Variants in NRG1 observed in about 807,000 individuals in gnomAD.
The protein encoded by NRG1 is neuregulin 1, also known as pro-neuregulin-1, membrane-bound isoform.
A neutral mutation model predicts 63.8 loss-of-function variants in NRG1; 18 were observed. The observed-to-expected ratio is 0.28, with a 90% CI of 0.19 to 0.42. The LOEUF is 0.42. Among genes scored for constraint, NRG1 ranks in the 10% least tolerant of loss-of-function variants. NRG1 has a pLI of 1.00. For synonymous variants in NRG1, 302 were observed against 301.3 expected (o/e 1.00, Z -0.02); for missense variants, 762 against 814.7 (o/e 0.94, Z 0.79).
At chr8:32,440,960 T>C (rs6981660) in intron 1 of NRG1, among the ~76,000 whole-genome samples, 47,232 of 152,020 alleles carry the variant, frequency 0.31, 7,587 homozygotes, top group South Asian at 0.35. Flanking sequence ...GACATAGAAT[T>C]GTGTATTTAT....
intron 1 of NRG1, among the ~76,000 whole-genome samples, chr8:32,466,752 T>C (rs1373144594): frequency 1.3e-5 from 2 of 152,170 alleles, no homozygotes; most frequent in African/African-American, 4.8e-5. Context: ...ACGGCCTTGC[T>C]ACTTTTTCTG....
chr8:32,218,635 A>G (rs1350035657), intron 1 of NRG1, among the ~76,000 whole-genome samples: 1 of 152,202 alleles, frequency 6.6e-6, no homozygotes, highest in African/African-American at 2.4e-5. Context: ...AGCGGCTTTC[A>G]TACTCTGAAA....
intron 2 of NRG1, among the ~76,000 whole-genome samples, chr8:32,602,503 A>G (rs1043405099): frequency 6.6e-6 from 1 of 152,176 alleles, no homozygotes; most frequent in Non-Finnish European, 1.5e-5. Flanking sequence ...GATTTGTATA[A>G]ATAGGAAAGA....
chr8:31,940,909 A>G (rs1318176337), intron 1 of NRG1, among the ~76,000 whole-genome samples: 1 of 152,140 alleles, frequency 6.6e-6, no homozygotes, highest in Non-Finnish European at 1.5e-5. Flanking sequence ...GGTAATAAAA[A>G]AATTGCCAAC....
chr8:32,770,200 A>G (rs1297565396), downstream of NRG1, among the ~76,000 whole-genome samples: 2 of 152,204 alleles, frequency 1.3e-5, no homozygotes, highest in Admixed American at 6.5e-5. Flanking sequence ...TAGATTTGCT[A>G]ATACAGAGAG....
intron 1 of NRG1, among the ~76,000 whole-genome samples, chr8:32,381,068 T>C (rs1177296601): frequency 1.3e-5 from 2 of 152,208 alleles, no homozygotes; most frequent in Non-Finnish European, 2.9e-5. Context: ...TGGTCACTTT[T>C]ATACATATCC....
chr8:32,473,662 C>T (rs1001666627), intron 1 of NRG1, among the ~76,000 whole-genome samples: 1 of 152,050 alleles, frequency 6.6e-6, no homozygotes, highest in Non-Finnish European at 1.5e-5. Flanking sequence ...GGGCTTCTAT[C>T]CTTATACTAG....
chr8:32,040,751 ATATATATATATATATATGCGC>A (rs1563713535), intron 1 of NRG1, among the ~76,000 whole-genome samples: 1 of 1,188 alleles, frequency 8.4e-4, no homozygotes, highest in Non-Finnish European at 0.016. Flanking sequence ...ATTTAGGCGC[ATATATATATATATATATGCGC>A]CTAAATTTCA....
chr8:31,838,001 T>C (rs1000766598), intron 1 of NRG1, among the ~76,000 whole-genome samples: 2 of 152,118 alleles, frequency 1.3e-5, no homozygotes, highest in East Asian at 3.9e-4. Context: ...TACCCAGTAA[T>C]GGGATTGCTG....
At chr8:32,568,726 C>G (rs532016917) in intron 1 of NRG1, among the ~76,000 whole-genome samples, 1 of 152,254 alleles carries the variant, frequency 6.6e-6, no homozygotes, top group South Asian at 2.1e-4. Context: ...TGCAGAGAAT[C>G]CTGCTCACTA....
chr8:31,983,143 G>T (rs932193805), intron 1 of NRG1, among the ~76,000 whole-genome samples: 1 of 152,060 alleles, frequency 6.6e-6, no homozygotes, highest in Non-Finnish European at 1.5e-5. Context: ...TTCTTTCAAT[G>T]ATAATGTCAT....
chr8:32,092,912 A>G (rs779146310), intron 1 of NRG1, among the ~76,000 whole-genome samples: 1 of 152,222 alleles, frequency 6.6e-6, no homozygotes, highest in Non-Finnish European at 1.5e-5. Context: ...GATCACATGC[A>G]TGTCACCCTG....
intron 1 of NRG1, among the ~76,000 whole-genome samples, chr8:31,733,027 AT>A (rs1814260173): frequency 6.6e-6 from 1 of 152,122 alleles, no homozygotes; most frequent in African/African-American, 2.4e-5. Flanking sequence ...TGTATGCATT[AT>A]TTAGCTCCCA....
chr8:32,493,471 A>AT (rs538481847), intron 1 of NRG1, among the ~76,000 whole-genome samples: 1 of 152,074 alleles, frequency 6.6e-6, no homozygotes, highest in Non-Finnish European at 1.5e-5. Flanking sequence ...AATGCAAGTG[A>AT]TTTTTTTGCT....
chr8:32,329,565 G>A (rs1025909259), intron 1 of NRG1, among the ~76,000 whole-genome samples: 7 of 152,112 alleles, frequency 4.6e-5, no homozygotes, highest in Non-Finnish European at 7.4e-5. Flanking sequence ...GTAAAAGGCC[G>A]AGTCTAAGTT....
intron 1 of NRG1, among the ~76,000 whole-genome samples, chr8:31,863,805 A>G (rs1020308788): frequency 6.6e-6 from 1 of 151,980 alleles, no homozygotes; most frequent in Non-Finnish European, 1.5e-5. Flanking sequence ...CTCTGCCATT[A>G]TTTCTTTTTC....
chr8:32,268,383 T>C (rs573072944), intron 1 of NRG1, among the ~76,000 whole-genome samples: 1 of 152,296 alleles, frequency 6.6e-6, no homozygotes, highest in Non-Finnish European at 1.5e-5. Context: ...ACTAAAAAAG[T>C]TTTTAGCTGT....
chr8:32,743,850 A>G (rs79409627), intron 7 of NRG1, among the ~76,000 whole-genome samples: 14,361 of 152,000 alleles, frequency 0.094, 773 homozygotes, highest in Admixed American at 0.1. Context: ...GTAAAGGTTC[A>G]GAGAGCAAAT....
intron 1 of NRG1, among the ~76,000 whole-genome samples, chr8:32,475,674 T>C (rs1824435206): frequency 6.6e-6 from 1 of 151,898 alleles, no homozygotes; most frequent in Non-Finnish European, 1.5e-5. Context: ...ACCTACCAAG[T>C]AGCTGAGACT....
Sources: allele counts gnomAD v4.1 joint callset (sites outside exome capture counted in the v4.1 genomes callset), GRCh38; gene constraint gnomAD v4.1.1; transcripts MANE v1.5; gene names NCBI Gene and HGNC (gene_info 2026-07-23, HGNC 2026-07-21).